The following TENM3 variants were observed in gnomAD, a reference collection of about 807,000 sequenced individuals.
TENM3 encodes the protein teneurin-3.
TENM3 carries 63 observed loss-of-function variants against 255.1 expected under a neutral mutation model. The observed-to-expected ratio is 0.25, with a 90% CI of 0.20 to 0.30. TENM3 has a LOEUF of 0.30. TENM3 is among the 10% of genes least tolerant of loss of function. TENM3 has a pLI of 1.00. For synonymous variants in TENM3, 1,306 were observed against 1,322.3 expected (o/e 0.99, Z 0.27); for missense variants, 2,929 against 3,461.1 (o/e 0.85, Z 3.86).
intron 2 of TENM3, among the ~76,000 whole-genome samples, chr4:182,333,789 G>C (rs1178776177): frequency 6.6e-6 from 1 of 152,144 alleles, no homozygotes; most frequent in East Asian, 1.9e-4. Flanking sequence ...TTTTGTTAAA[G>C]ATATGGTTGT....
At chr4:182,078,058 T>C in the TENM3 span, among the ~76,000 whole-genome samples, 10 of 152,170 alleles carry the variant, frequency 6.6e-5, no homozygotes, top group Admixed American at 2.6e-4. Context: ...TCATCACAAC[T>C]AACAACAAAA....
the TENM3 span, among the ~76,000 whole-genome samples, chr4:181,962,846 A>G: frequency 2.0e-5 from 3 of 152,192 alleles, no homozygotes; most frequent in African/African-American, 7.2e-5. Context: ...CACGTAGACT[A>G]AAGGAAGTGA....
At chr4:181,875,298 A>G in the TENM3 span, among the ~76,000 whole-genome samples, 2 of 152,172 alleles carry the variant, frequency 1.3e-5, no homozygotes, top group Non-Finnish European at 2.9e-5. Context: ...CTATTTATAA[A>G]TCTTAATAAT....
At chr4:181,724,517 A>G in the TENM3 span, among the ~76,000 whole-genome samples, 1 of 152,128 alleles carries the variant, frequency 6.6e-6, no homozygotes, top group Non-Finnish European at 1.5e-5. Context: ...AAAGTAACTT[A>G]TTTTTAATAA....
chr4:181,776,790 T>A, the TENM3 span, among the ~76,000 whole-genome samples: 8,215 of 152,200 alleles, frequency 0.054, 232 homozygotes, highest in Middle Eastern at 0.12. Flanking sequence ...TTTGTTTTCT[T>A]TCTGCTGTTG....
Position 182,202,670 on chromosome 4 carries a change from G to A in TENM3, c.-76+57916G>A, listed in dbSNP as rs142862714. Among the ~76,000 whole-genome samples the A allele has an allele frequency of 2.5e-3, 377 of 152,206 alleles. 2 individuals are homozygous for A. In the East Asian group the frequency reaches 0.027, roughly 11 times the overall value. On this transcript the variant is annotated intron_variant, in intron 1 of 2. Transcript: ENST00000512480. ...CGCTTACAATCTGGGACTCTGCCTC[G>A]GAGTGAGGCACAGGGGATCTTGCTG...
At chr4:181,636,006 T>C in the TENM3 span, among the ~76,000 whole-genome samples, 3 of 152,184 alleles carry the variant, frequency 2.0e-5, no homozygotes, top group African/African-American at 7.2e-5. Context: ...TGTATATATA[T>C]GTACACACAT....
chr4:181,864,155 A>G, the TENM3 span, among the ~76,000 whole-genome samples: 1 of 152,190 alleles, frequency 6.6e-6, no homozygotes, highest in African/African-American at 2.4e-5. Flanking sequence ...AGCATCTTCC[A>G]CCAACTCAGC....
At chr4:182,149,555 T>G (rs183987538) in intron 1 of TENM3, among the ~76,000 whole-genome samples, 1 of 152,112 alleles carries the variant, frequency 6.6e-6, no homozygotes, top group African/African-American at 2.4e-5. Context: ...TGAAACCATA[T>G]CATGTAATAA....
At chr4:182,624,061 C>T (rs6552582) in intron 4 of TENM3, among the ~76,000 whole-genome samples, 139,871 of 152,208 alleles carry the variant, frequency 0.92, 64,428 homozygotes, top group African/African-American at 0.95. Context: ...CTCTCAGGCC[C>T]CTTGGATATA....
At chr4:181,810,290 G>T in the TENM3 span, among the ~76,000 whole-genome samples, 3 of 152,074 alleles carry the variant, frequency 2.0e-5, no homozygotes, top group African/African-American at 7.2e-5. Flanking sequence ...CCATGAAGTG[G>T]GAAGAACAAC....
chr4:182,684,981 A>T (rs889727970), intron 11 of TENM3, among the ~76,000 whole-genome samples: 1 of 152,132 alleles, frequency 6.6e-6, no homozygotes, highest in Non-Finnish European at 1.5e-5. Context: ...CTGCTGCCCT[A>T]TGAGTCAGTA....
At chr4:181,482,890 T>C in the TENM3 span, among the ~76,000 whole-genome samples, 3 of 152,104 alleles carry the variant, frequency 2.0e-5, no homozygotes, top group African/African-American at 7.2e-5. Flanking sequence ...CAAGCAATCA[T>C]TCTTCTTGAC....
At chr4:182,424,629 C>CA (rs973286567) in intron 3 of TENM3, among the ~76,000 whole-genome samples, 11 of 152,056 alleles carry the variant, frequency 7.2e-5, no homozygotes, top group African/African-American at 2.4e-4. Context: ...AATGCATGGA[C>CA]AAAATCATAC....
chr4:182,010,794 G>A, the TENM3 span, among the ~76,000 whole-genome samples: 1 of 152,090 alleles, frequency 6.6e-6, no homozygotes, highest in Non-Finnish European at 1.5e-5. Flanking sequence ...CCTTAGCAAG[G>A]TCCTATATGT....
At chr4:181,660,209 A>G in the TENM3 span, among the ~76,000 whole-genome samples, 2 of 152,166 alleles carry the variant, frequency 1.3e-5, no homozygotes, top group Admixed American at 6.5e-5. Flanking sequence ...AAGACAATTA[A>G]TATCTGTCAA....
At chr4:182,276,883 C>T (rs1760038141) in intron 1 of TENM3, among the ~76,000 whole-genome samples, 1 of 152,184 alleles carries the variant, frequency 6.6e-6, no homozygotes, top group South Asian at 2.1e-4. Context: ...ATGAACTCAG[C>T]TCTGTGTTGT....
chr4:182,736,661 A>G lies in TENM3; in HGVS notation c.2968-147A>G, dbSNP rs1047593164. ...TATTTTAGTTGCTCTAAAGCAGCTA[A>G]AATAAGCACATTGTCTTTGTGAGTA... On this transcript the variant is annotated intron_variant, in intron 16 of 27. Transcript: ENST00000511685. 7.9e-6 allele frequency: 6 copies of G among 761,780 alleles called. No homozygotes were observed. The African/African-American group carries it at 1.1e-4, about 13-fold the overall frequency. The allele number at this position is 761,780 out of a possible 1,614,324, so 47.2% of individuals were successfully genotyped here. A position where few individuals can be genotyped will look rare whatever the true frequency, so the allele number is the denominator to read the frequency against.
intron 5 of TENM3, among the ~76,000 whole-genome samples, chr4:182,647,403 A>G (rs967823830): frequency 3.9e-4 from 60 of 152,354 alleles, no homozygotes; most frequent in African/African-American, 1.3e-3. Context: ...AACCCTGGTC[A>G]TCACCATTCT....
Sources: gnomAD v4.1 joint callset for allele counts (sites outside exome capture counted in the v4.1 genomes callset) on GRCh38, gnomAD v4.1.1 for gene constraint, MANE v1.5 for transcripts, NCBI Gene and HGNC (gene_info 2026-07-23, HGNC 2026-07-21) for gene names.